Variants in NKAIN2 observed in about 807,000 individuals in gnomAD.
The protein encoded by NKAIN2 is sodium/potassium transporting ATPase interacting 2.
In NKAIN2, 14 loss-of-function variants were observed where a neutral mutation model predicts 32.6. The observed-to-expected ratio is 0.43, with a 90% CI of 0.28 to 0.67. The LOEUF (loss-of-function observed/expected upper bound fraction) is 0.67, where lower values mean the gene tolerates loss of function less well. Among genes scored for constraint, NKAIN2 ranks in the 30% least tolerant of loss-of-function variants. The pLI is 0.17. For synonymous variants in NKAIN2, 80 were observed against 87.2 expected, an observed-to-expected ratio of 0.92 and a Z score of 0.46; for missense variants, 198 against 258.3, an observed-to-expected ratio of 0.77 and a Z score of 1.60.
chr6:123,878,166 T>G (rs1166659819), intron 1 of NKAIN2, among the ~76,000 whole-genome samples: 1 of 151,704 alleles, frequency 6.6e-6, no homozygotes, highest in Non-Finnish European at 1.5e-5. Context: ...GCGGAGGTTG[T>G]GGTGAGCTGA....
chr6:124,590,287 A>T (rs1304528456), intron 3 of NKAIN2, among the ~76,000 whole-genome samples: 4 of 152,200 alleles, frequency 2.6e-5, no homozygotes, highest in African/African-American at 9.6e-5. Context: ...TGTTGTAATG[A>T]ACCGGAATTG....
intron 1 of NKAIN2, among the ~76,000 whole-genome samples, chr6:124,060,100 T>A (rs1429866204): frequency 6.6e-6 from 1 of 152,178 alleles, no homozygotes; most frequent in Non-Finnish European, 1.5e-5. Flanking sequence ...CAGGCAAGGA[T>A]GTGCTCTCGA....
intron 1 of NKAIN2, among the ~76,000 whole-genome samples, chr6:123,979,171 G>C (rs1185929921): frequency 1.3e-5 from 2 of 151,886 alleles, no homozygotes; most frequent in African/African-American, 4.8e-5. Flanking sequence ...AATCTGATTT[G>C]ATCTGGGCAA....
At chr6:124,273,690 C>T (rs1794905490) in intron 1 of NKAIN2, among the ~76,000 whole-genome samples, 1 of 152,136 alleles carries the variant, frequency 6.6e-6, no homozygotes, top group South Asian at 2.1e-4. Context: ...TCTATAACTG[C>T]TTGTAGAAGT....
chr6:124,687,598 T>TACATACATGG (rs1562324983), intron 4 of NKAIN2, among the ~76,000 whole-genome samples: 7 of 133,368 alleles, frequency 5.2e-5, no homozygotes, highest in Non-Finnish European at 7.8e-5. Context: ...TAAATATATA[T>TACATACATGG]TATGTATATA....
chr6:124,570,644 C>T (rs1340451535), intron 3 of NKAIN2, among the ~76,000 whole-genome samples: 1 of 152,206 alleles, frequency 6.6e-6, no homozygotes, highest in African/African-American at 2.4e-5. Context: ...GCCTAGATTT[C>T]AGAAGATGAG....
intron 3 of NKAIN2, among the ~76,000 whole-genome samples, chr6:124,565,916 C>T (rs1780893317): frequency 6.6e-6 from 1 of 152,142 alleles, no homozygotes; most frequent in South Asian, 2.1e-4. Context: ...TCACATTCCT[C>T]ATGATAAATA....
intron 3 of NKAIN2, among the ~76,000 whole-genome samples, chr6:124,498,002 C>A (rs573236913): frequency 6.6e-6 from 1 of 152,050 alleles, no homozygotes; most frequent in Non-Finnish European, 1.5e-5. Flanking sequence ...TTTCTATATC[C>A]TTCTCTCCCC....
At chr6:124,116,493 A>G (rs774435124) in intron 1 of NKAIN2, among the ~76,000 whole-genome samples, 6 of 152,176 alleles carry the variant, frequency 3.9e-5, no homozygotes, top group Non-Finnish European at 7.4e-5. Context: ...ATTTAAAAGC[A>G]TCTTGAATTC....
intron 1 of NKAIN2, among the ~76,000 whole-genome samples, chr6:124,070,409 A>G (rs1783397675): frequency 6.6e-6 from 1 of 152,076 alleles, no homozygotes; most frequent in African/African-American, 2.4e-5. Flanking sequence ...ACCCAGTTAA[A>G]TTCTTCCTTC....
chr6:124,606,203 A>G (rs115787315), intron 3 of NKAIN2, among the ~76,000 whole-genome samples: 1,676 of 151,836 alleles, frequency 0.011, 27 homozygotes, highest in African/African-American at 0.038. Context: ...TAAATATTCT[A>G]TTATTTCTTG....
rs764760722 is a variant in NKAIN2, at chr6:124,725,622, G to C, written c.475-65717G>C. ...CAAGAGTCTTCCAAATGATACAGTG[G>C]GGTAATATGCTGAAAGGGCAATCAG... On this transcript the variant is annotated intron_variant, in intron 4 of 6. Coordinates refer to ENST00000368417, the MANE Select transcript of NKAIN2 (RefSeq NM_001040214.3). Among the ~76,000 whole-genome samples, 29 of 152,110 alleles carry C rather than the reference G, an allele frequency of 1.9e-4. 1 individual carries two copies. Among genetic ancestry groups the C allele is most frequent in the Non-Finnish European group, 3.8e-4 (26 of 68,022 alleles).
At chr6:124,698,060 T>C (rs1774587951) in intron 4 of NKAIN2, among the ~76,000 whole-genome samples, 1 of 152,184 alleles carries the variant, frequency 6.6e-6, no homozygotes, top group African/African-American at 2.4e-5. Flanking sequence ...ACTGGCATAA[T>C]TGTAGTCTTA....
chr6:124,192,513 T>C (rs1386006570), intron 1 of NKAIN2, among the ~76,000 whole-genome samples: 1 of 152,184 alleles, frequency 6.6e-6, no homozygotes, highest in Non-Finnish European at 1.5e-5. Flanking sequence ...ACCAGGCATA[T>C]GGTCTATTTT....
chr6:124,185,351 G>A (rs1582810819), intron 1 of NKAIN2, among the ~76,000 whole-genome samples: 1 of 152,122 alleles, frequency 6.6e-6, no homozygotes, highest in South Asian at 2.1e-4. Context: ...CTACAAATTA[G>A]AGAAGTCACA....
chr6:124,404,319 A>C (rs933241205), intron 3 of NKAIN2, among the ~76,000 whole-genome samples: 1 of 152,182 alleles, frequency 6.6e-6, no homozygotes. Context: ...GAGAGGGTTC[A>C]CCAGGGATCA....
intron 3 of NKAIN2, among the ~76,000 whole-genome samples, chr6:124,560,084 G>A (rs1211062652): frequency 1.3e-5 from 2 of 152,036 alleles, no homozygotes; most frequent in Non-Finnish European, 2.9e-5. Context: ...TTATCGACAA[G>A]GAAATATATA....
intron 3 of NKAIN2, among the ~76,000 whole-genome samples, chr6:124,398,252 C>CAAAAAAAAAAAAAAAAAAAAAAAAAAA (rs869039720): frequency 2.2e-4 from 15 of 69,070 alleles, no homozygotes; most frequent in African/African-American, 3.9e-4. Context: ...GACTGCATCT[C>CAAAAAAAAAAAAAAAAAAAAAAAAAAA]AAAAAAAAAA....
intron 4 of NKAIN2, among the ~76,000 whole-genome samples, chr6:124,767,255 C>T (rs886234484): frequency 1.3e-5 from 2 of 151,744 alleles, no homozygotes; most frequent in African/African-American, 4.9e-5. Flanking sequence ...CTGATTTATA[C>T]TAGATACTAT....
Sources: gnomAD v4.1 joint callset for allele counts (sites outside exome capture counted in the v4.1 genomes callset) on GRCh38, gnomAD v4.1.1 for gene constraint, MANE v1.5 for transcripts, NCBI Gene and HGNC (gene_info 2026-07-23, HGNC 2026-07-21) for gene names.